The following RBM5 variants were observed in gnomAD, a reference collection of about 807,000 sequenced individuals.
The protein encoded by RBM5 is RNA binding motif protein 5.
A neutral mutation model predicts 124.6 loss-of-function variants in RBM5; 15 were observed. The observed-to-expected ratio is 0.12, with a 90% confidence interval of 0.08 to 0.19. RBM5 has a LOEUF of 0.19. RBM5 is among the 10% of genes least tolerant of loss of function. The probability of loss-of-function intolerance (pLI) is 1.00; values close to 1 mark genes in which losing one functional copy is unlikely to be tolerated. For synonymous variants in RBM5, 337 were observed against 361.2 expected (o/e 0.93, Z 0.76); for missense variants, 580 against 1,026.5 (o/e 0.57, Z 5.94).
chr3:50,111,116 A>G (rs865849994), intron 17 of RBM5, among the ~76,000 whole-genome samples: 23 of 152,178 alleles, frequency 1.5e-4, no homozygotes, highest in African/African-American at 3.1e-4. Flanking sequence ...TCAGTAACCT[A>G]TGTCTTCAAT....
chr3:50,102,758 G>T, intron 6 of RBM5: 2 of 296,226 alleles, frequency 6.8e-6, no homozygotes, highest in Non-Finnish European at 1.3e-5. Context: ...GCTTTTTGAA[G>T]TAGACTGTCA....
In RBM5 at chr3:50,115,409, G is replaced by T. The variant is rs374269188; in HGVS notation, c.1840-19G>T. 5 of 1,610,206 alleles carry T rather than the reference G, an allele frequency of 3.1e-6. No homozygotes were observed. The Admixed American group carries it at 6.9e-5, about 22-fold the overall frequency. ...TCCTATTGTACATTTCCAGTGACCT[G>T]TCCTCCTTTTGTCTCCAGAGGGGTC... On this transcript the variant is annotated intron_variant, in intron 20 of 24. Transcript: ENST00000347869.
intron 14 of RBM5, among the ~76,000 whole-genome samples, chr3:50,109,198 C>T (rs896525772): frequency 2.0e-5 from 3 of 152,156 alleles, no homozygotes; most frequent in Non-Finnish European, 1.5e-5. Context: ...CTTAGCCTCA[C>T]AAGTAGCTGG....
rs888302784 is a variant in RBM5, at chr3:50,115,574, A to C, written c.1986A>C (p.Leu662=). Residue 662 remains leucine, a synonymous_variant, in exon 21 of 25, where the codon CTA becomes CTC. Transcript: ENST00000347869. ...GCCAGTTCCCGAACAAAGATGCCCT[A>C]GTCAGGCACCAGCAACTCTCAGACC... is the stretch of plus-strand genomic sequence containing the variant. The part of the protein sequence containing the change: ...CRRQFPNKDA[L]VRHQQLSDLH... 10 of 1,612,998 alleles carry C rather than the reference A, an allele frequency of 6.2e-6. No homozygotes were observed. Among genetic ancestry groups the C allele is most frequent in the Middle Eastern group, 1.7e-4 (1 of 5,984 alleles).
intron 15 of RBM5, 28 bp from the exon 16 acceptor site, chr3:50,110,351 A>G: frequency 1.2e-6 from 2 of 1,604,328 alleles, no homozygotes; most frequent in Non-Finnish European, 1.7e-6. Context: ...TACAGTTGAA[A>G]TTATATTGAA....
At chr3:50,104,455 A>C (rs926389185) in intron 8 of RBM5, 147 bp downstream of exon 8, 7 of 731,794 alleles carry the variant, frequency 9.6e-6, no homozygotes, top group Admixed American at 7.6e-5. Flanking sequence ...CTGGCAAGAG[A>C]TAGCAAGACC....
At chr3:50,108,446 C>T (rs569017713) in intron 14 of RBM5, 142 bp downstream of exon 14, 13 of 811,886 alleles carry the variant, frequency 1.6e-5, no homozygotes, top group South Asian at 4.8e-5. Context: ...CGGTGGCTCA[C>T]GCCTGTAATC....
At chr3:50,115,765 C>A in intron 21 of RBM5, 141 bp from the exon 22 acceptor site, 2 of 1,182,994 alleles carry the variant, frequency 1.7e-6, no homozygotes, top group Non-Finnish European at 2.4e-6. Flanking sequence ...GGCAGCTCCA[C>A]ACACATCAAA....
In RBM5 at chr3:50,090,848, C is replaced by A. The variant is rs535183682; in HGVS notation, c.17+397C>A. Among the ~76,000 whole-genome samples the A allele has an allele frequency of 2.6e-5, 4 of 152,300 alleles. No homozygotes were observed. The South Asian group carries it at 8.3e-4, about 32-fold the overall frequency. ...GAATCCAGGAGATCATACAGTCTGGCACTTAGCACAGTTCCTGGCTGTGGT... is the reference window on the plus strand; with the variant it reads ...GAATCCAGGAGATCATACAGTCTGGAACTTAGCACAGTTCCTGGCTGTGGT... On this transcript the variant is annotated intron_variant, in intron 2 of 24. Transcript: ENST00000347869.
chr3:50,096,766 T>A (rs2090825386), intron 4 of RBM5, among the ~76,000 whole-genome samples: 1 of 151,736 alleles, frequency 6.6e-6, no homozygotes, highest in Non-Finnish European at 1.5e-5. Context: ...AATTTTTTTT[T>A]TTATCGTTTG....
intron 3 of RBM5, chr3:50,092,882 TTAAAA>T (rs1559676512): frequency 9.2e-6 from 2 of 217,126 alleles, no homozygotes; most frequent in South Asian, 4.9e-5. Flanking sequence ...GACCCTGTCT[TTAAAA>T]TAATAATAAT....
chr3:50,108,361 A>G lies in RBM5; in HGVS notation c.1192+57A>G, dbSNP rs1575326074. The G allele has an allele frequency of 1.9e-5, 27 of 1,441,400 alleles. No individual in the cohort carries two copies. In the East Asian group the frequency reaches 6.1e-4, roughly 33 times the overall value. 89.3% of individuals were successfully genotyped at this position (1,441,400 alleles called of 1,614,324 possible). A position where few individuals can be genotyped will look rare whatever the true frequency, so the allele number is the denominator to read the frequency against. ...TTTAAGCACTTACAGTTGAAGAAATATGATTAAATGTCCTAACTGGACCAA... is the reference window on the plus strand; with the variant it reads ...TTTAAGCACTTACAGTTGAAGAAATGTGATTAAATGTCCTAACTGGACCAA... On this transcript the variant is annotated intron_variant, in intron 14 of 24. Transcript: ENST00000347869.
intron 4 of RBM5, among the ~76,000 whole-genome samples, chr3:50,098,736 G>A (rs1575309698): frequency 6.6e-6 from 1 of 151,910 alleles, no homozygotes; most frequent in Admixed American, 6.6e-5. Flanking sequence ...GCCACTATGC[G>A]AGGCCTAATT....
chr3:50,098,942 A>C (rs531016233), intron 4 of RBM5, among the ~76,000 whole-genome samples: 113 of 152,286 alleles, frequency 7.4e-4, no homozygotes, highest in African/African-American at 2.7e-3. Flanking sequence ...TACCACAAGC[A>C]AGGATGTGTA....
chr3:50,118,414 T>G lies in RBM5; in HGVS notation c.2406T>G (p.Ala802=). 8 of 1,614,080 alleles carry G rather than the reference T, an allele frequency of 5.0e-6. No homozygotes were observed. The highest frequency in any genetic ancestry group is 6.8e-6 in the Non-Finnish European group (8 of 1,180,024). ...GLSGADSYKD[A]VRKAMFARFT... is the part of the protein sequence containing the mutation. ...CGGGCGCCGATTCCTACAAAGATGC[T>G]GTCCGGAAAGCCATGTTTGCCCGGT... is the stretch of plus-strand genomic sequence containing the variant. Residue 802 remains alanine (A), a synonymous_variant, in exon 25 of 25, where the codon GCT becomes GCG. Transcript: ENST00000347869.
Position 50,100,617 on chromosome 3 carries a change from C to T in RBM5, c.483+12C>T. ...TGGAAGCCAATCAGGTTGCTTCACTCACCAAGTCTAGATATTCATGAAAAT... is the reference window on the plus strand; with the variant it reads ...TGGAAGCCAATCAGGTTGCTTCACTTACCAAGTCTAGATATTCATGAAAAT... On this transcript the variant is annotated intron_variant, in intron 6 of 24. Transcript: ENST00000347869. This position sits in a 1 kb window ranked among gnomAD's most constrained non-coding sequence, Gnocchi z 5.1. The T allele has an allele frequency of 3.8e-6, 6 of 1,583,952 alleles. No individual in the cohort carries two copies. The highest frequency in any genetic ancestry group is 1.1e-5 in the South Asian group (1 of 90,308).
At chr3:50,103,325 A>G (rs531539836) in intron 7 of RBM5, among the ~76,000 whole-genome samples, 159 bp downstream of exon 7, 1 of 152,290 alleles carries the variant, frequency 6.6e-6, no homozygotes, top group South Asian at 2.1e-4. Context: ...CTGGTATTAG[A>G]TGATAGAACT....
chr3:50,107,518 T>A lies in RBM5; in HGVS notation c.990T>A (p.Ala330=), dbSNP rs1061474. The A allele has an allele frequency of 1.9e-6, 3 of 1,609,464 alleles. No homozygotes were observed. The South Asian group carries it at 3.3e-5, about 18-fold the overall frequency. Residue 330 remains alanine, a synonymous_variant, in exon 12 of 25, where the codon GCT becomes GCA. Coordinates refer to ENST00000347869, the MANE Select transcript of RBM5 (RefSeq NM_005778.4). Reference sequence around the variant, plus strand: ...TCTCAGATGGTAACCGCGTCAGCGCTTTCTCTGTAGCTAGTACGGCTATTG... The same window carrying A: ...TCTCAGATGGTAACCGCGTCAGCGCATTCTCTGTAGCTAGTACGGCTATTG... The part of the protein sequence containing the change: ...LVLSDGNRVS[A]FSVASTAIAA...
chr3:50,114,862 T>TA (rs1203898581), intron 20 of RBM5: 1,627 of 131,900 alleles, frequency 0.012, 20 homozygotes, highest in African/African-American at 0.035. Flanking sequence ...CTGTCTCATT[T>TA]AAAAAAAAAA....
Sources: allele counts gnomAD v4.1 joint callset (sites outside exome capture counted in the v4.1 genomes callset), GRCh38; gene constraint gnomAD v4.1.1; non-coding constraint Gnocchi (gnomAD v3.1); transcripts MANE v1.5; gene names NCBI Gene and HGNC (gene_info 2026-07-23, HGNC 2026-07-21).